The following SHANK2 variants were observed in gnomAD, a reference collection of about 807,000 sequenced individuals.
SHANK2 encodes the protein SH3 and multiple ankyrin repeat domains 2.
In SHANK2, 43 loss-of-function variants were observed where a neutral mutation model predicts 133.7. The observed-to-expected ratio is 0.32, with a 90% CI of 0.25 to 0.41. The LOEUF (loss-of-function observed/expected upper bound fraction) is 0.41. Ranked by LOEUF, SHANK2 falls within the 10% of genes least tolerant of loss-of-function variation. The probability of loss-of-function intolerance (pLI) is 1.00; values close to 1 mark genes in which losing one functional copy is unlikely to be tolerated. For synonymous variants in SHANK2, 1,017 were observed against 952.8 expected (o/e 1.07, Z -1.24); for missense variants, 1,994 against 2,235.8 (o/e 0.89, Z 2.18).
At chr11:70,653,567 CA>C (rs1157982312) in intron 17 of SHANK2, among the ~76,000 whole-genome samples, 3,381 of 61,792 alleles carry the variant, frequency 0.055, 72 homozygotes, top group African/African-American at 0.16. Context: ...CTCAGCCTTC[CA>C]AAAAAAAAAA....
chr11:70,682,628 AACAG>A (rs1185888033), intron 15 of SHANK2, among the ~76,000 whole-genome samples: 2 of 152,162 alleles, frequency 1.3e-5, no homozygotes, highest in Non-Finnish European at 2.9e-5. Context: ...TGTTTTCTAA[AACAG>A]ACAATGAAGA....
At chr11:70,691,895 A>T in intron 15 of SHANK2, among the ~76,000 whole-genome samples, 1 of 152,188 alleles carries the variant, frequency 6.6e-6, no homozygotes, top group East Asian at 1.9e-4. Context: ...CTCTGTCTCA[A>T]AAATAAATAA....
At chr11:70,559,904 C>T (rs1180414121) in intron 17 of SHANK2, among the ~76,000 whole-genome samples, 7 of 152,100 alleles carry the variant, frequency 4.6e-5, no homozygotes, top group Non-Finnish European at 1.0e-4. Flanking sequence ...CAGAGTCTCA[C>T]TCTGTTGCCC....
At chr11:71,065,799 G>A (rs1333322834) in intron 9 of SHANK2, among the ~76,000 whole-genome samples, 20 of 137,124 alleles carry the variant, frequency 1.5e-4, no homozygotes, top group Non-Finnish European at 3.0e-4. Context: ...AACTCTCCCA[G>A]GGAGATGAGT....
chr11:70,786,787 T>C (rs950676001), intron 14 of SHANK2, among the ~76,000 whole-genome samples: 1 of 152,056 alleles, frequency 6.6e-6, no homozygotes, highest in Non-Finnish European at 1.5e-5. Flanking sequence ...AGCAGTAGCG[T>C]TCACCAAGGT....
chr11:70,502,547 C>T (rs1222992896), intron 18 of SHANK2, among the ~76,000 whole-genome samples: 2 of 152,120 alleles, frequency 1.3e-5, no homozygotes, highest in Non-Finnish European at 2.9e-5. Flanking sequence ...GGGAAGCCTG[C>T]GGAAGGGACG....
At chr11:70,641,474 A>G (rs1555006343) in intron 17 of SHANK2, among the ~76,000 whole-genome samples, 1 of 152,200 alleles carries the variant, frequency 6.6e-6, no homozygotes, top group East Asian at 1.9e-4. Flanking sequence ...AGAGAATGGC[A>G]TGTGCTCTCC....
At chr11:71,202,060 A>C (rs1271820492) in intron 2 of SHANK2, among the ~76,000 whole-genome samples, 1 of 152,248 alleles carries the variant, frequency 6.6e-6, no homozygotes, top group Non-Finnish European at 1.5e-5. Context: ...GGGTGTGCCC[A>C]CATGGCTCAC....
chr11:70,765,551 C>T (rs1217351856), intron 14 of SHANK2, among the ~76,000 whole-genome samples: 1 of 152,144 alleles, frequency 6.6e-6, no homozygotes, highest in Non-Finnish European at 1.5e-5. Context: ...AACTTAAAAG[C>T]CGTTAAATTT....
intron 14 of SHANK2, among the ~76,000 whole-genome samples, chr11:70,754,167 G>A (rs1461572892): frequency 6.6e-5 from 10 of 152,152 alleles, no homozygotes; most frequent in African/African-American, 2.4e-4. Flanking sequence ...TGATTTCGCT[G>A]GTGAATTTTG....
At chr11:70,701,681 G>A (rs1358259649) in intron 14 of SHANK2, among the ~76,000 whole-genome samples, 2 of 152,142 alleles carry the variant, frequency 1.3e-5, no homozygotes, top group Non-Finnish European at 2.9e-5. Flanking sequence ...TGGGATTACA[G>A]GTGTGAGCCA....
chr11:70,724,524 G>T (rs1050840820), intron 14 of SHANK2, among the ~76,000 whole-genome samples: 1 of 152,124 alleles, frequency 6.6e-6, no homozygotes, highest in Admixed American at 6.5e-5. Flanking sequence ...AGCTCTTCTG[G>T]GTCTTTTCTG....
chr11:71,208,600 G>A (rs1359534312), intron 2 of SHANK2, among the ~76,000 whole-genome samples: 8 of 151,988 alleles, frequency 5.3e-5, no homozygotes, highest in Non-Finnish European at 1.0e-4. Flanking sequence ...GGAGCTCCCA[G>A]GATAGAGTGG....
chr11:70,563,538 A>AT (rs2059933330), intron 17 of SHANK2, among the ~76,000 whole-genome samples: 1 of 49,014 alleles, frequency 2.0e-5, no homozygotes, highest in Non-Finnish European at 3.8e-5. Flanking sequence ...ATCTGTGGTC[A>AT]CTTTTTTTTT....
chr11:71,160,956 C>T (rs1953002591), intron 2 of SHANK2, among the ~76,000 whole-genome samples: 1 of 152,354 alleles, frequency 6.6e-6, no homozygotes, highest in East Asian at 1.9e-4. Flanking sequence ...AAACTGAAAA[C>T]TAAGTTTGCA....
chr11:70,737,514 T>C (rs1418923778), intron 14 of SHANK2, among the ~76,000 whole-genome samples: 1 of 152,198 alleles, frequency 6.6e-6, no homozygotes, highest in African/African-American at 2.4e-5. Flanking sequence ...TCCCCAGCCC[T>C]GCATGCATCT....
intron 11 of SHANK2, among the ~76,000 whole-genome samples, chr11:70,879,508 C>T (rs940208572): frequency 2.0e-5 from 3 of 152,192 alleles, no homozygotes; most frequent in Non-Finnish European, 2.9e-5. Context: ...AGAGAGGTGC[C>T]GTGGCTGGTC....
intron 17 of SHANK2, among the ~76,000 whole-genome samples, chr11:70,565,827 C>G (rs2136150803): frequency 6.6e-6 from 1 of 152,168 alleles, no homozygotes; most frequent in East Asian, 1.9e-4. Context: ...CAGAAGTAGG[C>G]ATTATTATTA....
intron 11 of SHANK2, among the ~76,000 whole-genome samples, chr11:70,845,198 C>CAAAAAAAAAAAAAAAAAA (rs782471301): frequency 1.9e-5 from 1 of 51,688 alleles, no homozygotes; most frequent in African/African-American, 7.2e-5. Flanking sequence ...GACTCTGTCT[C>CAAAAAAAAAAAAAAAAAA]AAAAAAAAAA....
Sources: gnomAD v4.1 joint callset for allele counts (sites outside exome capture counted in the v4.1 genomes callset) on GRCh38, gnomAD v4.1.1 for gene constraint, MANE v1.5 for transcripts, NCBI Gene and HGNC (gene_info 2026-07-23, HGNC 2026-07-21) for gene names.